Variants in IGHMBP2 observed in about 807,000 individuals in gnomAD.
IGHMBP2 encodes the protein DNA-binding protein SMUBP-2.
In IGHMBP2, 81 loss-of-function variants were observed where a neutral mutation model predicts 96.0. That is an observed-to-expected ratio of 0.84 (90% CI 0.71 to 1.01). IGHMBP2 has a LOEUF of 1.01. Among genes scored for constraint, IGHMBP2 ranks in the 50% least tolerant of loss-of-function variants. IGHMBP2 has a pLI of 0.00. For missense variants in IGHMBP2, 1,227 were observed against 1,306.3 expected (o/e 0.94, Z 0.94); for synonymous variants, 557 against 548.9 (o/e 1.01, Z -0.21).
In IGHMBP2 at chr11:68,908,141, G is replaced by C. The variant is rs1484354967; in HGVS notation, c.257-4G>C. On this transcript the variant is annotated splice_region_variant and splice_polypyrimidine_tract_variant and intron_variant, in intron 2 of 14. Coordinates refer to ENST00000255078, the MANE Select transcript of IGHMBP2 (RefSeq NM_002180.3). Reference sequence around the variant, plus strand: ...CTTGTGTCACTGAGTCTTTGTTTTTGCAGGTGATATCGTGGGCCTGTACGA... The same window carrying C: ...CTTGTGTCACTGAGTCTTTGTTTTTCCAGGTGATATCGTGGGCCTGTACGA... The C allele has an allele frequency of 5.0e-6, 8 of 1,613,202 alleles. No individual in the cohort carries two copies. The highest frequency in any genetic ancestry group is 6.8e-6 in the Non-Finnish European group (8 of 1,179,458).
chr11:68,937,870 C>CCACG (rs1307508695), intron 13 of IGHMBP2: 4 of 400,500 alleles, frequency 1.0e-5, no homozygotes, highest in African/African-American at 6.1e-5. Context: ...CTACTGTATG[C>CCACG]CACGCTTTGT....
intron 14 of IGHMBP2, 146 bp downstream of exon 14, chr11:68,938,500 A>G: frequency 1.4e-6 from 1 of 715,240 alleles, no homozygotes; most frequent in Non-Finnish European, 2.3e-6. Flanking sequence ...GAAATCAGAC[A>G]CTGACTCATG....
rs755865677 is a variant in IGHMBP2 at position 68,933,344 on chromosome 11, TGAG to T, written c.1285_1287del (p.Glu429del). ...CACTCAGCCTGATGGAACGCCTGGC[TGAG>T]GAGTACGGCGCGAGGGTGGTGCGGA... is the stretch of plus-strand genomic sequence containing the variant. On this transcript the variant is annotated inframe_deletion, in exon 9 of 15. Coordinates refer to ENST00000255078, the MANE Select transcript of IGHMBP2 (RefSeq NM_002180.3). 1.2e-6 allele frequency: 2 copies of T among 1,613,224 alleles called. No individual in the cohort carries two copies. The highest frequency in any genetic ancestry group is 2.7e-5 in the African/African-American group (2 of 75,062).
chr11:68,915,382 A>C (rs1318726270), intron 6 of IGHMBP2, among the ~76,000 whole-genome samples: 1 of 150,682 alleles, frequency 6.6e-6, no homozygotes, highest in Non-Finnish European at 1.5e-5. Context: ...GTTTCATCAT[A>C]CTGGTCAGGC....
chr11:68,938,421 A>T, intron 14 of IGHMBP2, 67 bp downstream of exon 14: 1 of 1,429,138 alleles, frequency 7.0e-7, no homozygotes. Flanking sequence ...TCCAGGAAGC[A>T]GACCCTGGGC....
At chr11:68,911,346 C>T in intron 4 of IGHMBP2, 94 bp from the exon 5 acceptor site, 1 of 1,279,770 alleles carries the variant, frequency 7.8e-7, no homozygotes, top group Non-Finnish European at 1.1e-6. Flanking sequence ...TCCTGACAGG[C>T]ATCACTCATC....
intron 12 of IGHMBP2, 103 bp downstream of exon 12, chr11:68,935,525 G>A (rs1289640194): frequency 9.3e-6 from 13 of 1,392,786 alleles, no homozygotes; most frequent in Non-Finnish European, 1.3e-5. Context: ...GTTTCTGGCA[G>A]TGTGCTCATG....
chr11:68,919,164 T>TCTCTC (rs1253812903), intron 7 of IGHMBP2, among the ~76,000 whole-genome samples: 5 of 151,462 alleles, frequency 3.3e-5, no homozygotes, highest in East Asian at 1.9e-4. Flanking sequence ...CTGTTGTTGA[T>TCTCTC]CTCTCCTCTC....
At position 68,929,215 on chromosome 11, in the gene IGHMBP2, C is replaced by T; in HGVS notation, c.1093C>T (p.Pro365Ser). ...TGCCGATGGCCCCCTGAAGTTGCTG[C>T]CCGAGAGCTACTTCGACGTGGTGGT... is the stretch of plus-strand genomic sequence containing the variant. The part of the protein sequence containing the change: ...ASADGPLKLL[P>S]ESYFDVVVID... The change falls in exon 8 of 15, where the codon CCC becomes TCC. Residue 365 changes from proline (P) to serine (S), a missense_variant. Transcript: ENST00000255078. 6.2e-7 allele frequency: 1 copy of T among 1,613,528 alleles called. No homozygotes were observed. Among genetic ancestry groups the T allele is most frequent in the Non-Finnish European group, 8.5e-7 (1 of 1,180,022 alleles).
rs645436 is a variant in IGHMBP2 at position 68,933,233 on chromosome 11, G to C, written c.1236-66G>C. On this transcript the variant is annotated intron_variant, in intron 8 of 14. Transcript: ENST00000255078. ...GGTTTGGGGCCTGTCCTCCTCACTT[G>C]CTGTGGTTCACACCTGGACTCTGGG... 0.27 allele frequency: 409,370 copies of C among 1,493,312 alleles called. 59,188 individuals are homozygous for C. The highest frequency in any genetic ancestry group is 0.44 in the Admixed American group (22,948 of 52,232). The allele number at this position is 1,493,312 out of a possible 1,614,324, so 92.5% of individuals were successfully genotyped here. A position where few individuals can be genotyped will look rare whatever the true frequency, so the allele number is the denominator to read the frequency against.
intron 10 of IGHMBP2, 80 bp from the exon 11 acceptor site, chr11:68,934,384 C>T (rs761076058): frequency 2.0e-5 from 19 of 974,022 alleles, no homozygotes; most frequent in African/African-American, 9.6e-5. Context: ...TAGACAGAAA[C>T]GTGCCCGAAA....
chr11:68,908,672 C>T (rs748121628), intron 4 of IGHMBP2, 41 bp downstream of exon 4: 1 of 1,351,162 alleles, frequency 7.4e-7, no homozygotes, highest in Non-Finnish European at 1.1e-6. Context: ...GAAATCACTA[C>T]TGAAAGTATA....
Position 68,929,226 on chromosome 11 carries a change from C to T in IGHMBP2, c.1104C>T (p.Tyr368=), listed in dbSNP as rs148157556. 10,660 of 1,613,790 alleles carry T rather than the reference C, an allele frequency of 6.6e-3. 80 individuals carry two copies. Among genetic ancestry groups the T allele is most frequent in the Middle Eastern group, 0.026 (155 of 6,060 alleles). The stretch of plus-strand genomic sequence containing the variant: ...CCCTGAAGTTGCTGCCCGAGAGCTA[C>T]TTCGACGTGGTGGTCATTGACGAGT... ...DGPLKLLPES[Y]FDVVVIDECA... is the part of the protein sequence containing the mutation. The change falls in exon 8 of 15, where the codon TAC becomes TAT. Residue 368 remains tyrosine, a synonymous_variant. Transcript: ENST00000255078.
intron 12 of IGHMBP2, 62 bp from the exon 13 acceptor site, chr11:68,936,172 CGTA>C (rs1859518641): frequency 6.3e-7 from 1 of 1,577,440 alleles, no homozygotes; most frequent in African/African-American, 1.3e-5. Flanking sequence ...CTGATAAGGG[CGTA>C]GGAGCCTGAC....
At chr11:68,920,207 T>C (rs1396135132) in intron 7 of IGHMBP2, among the ~76,000 whole-genome samples, 1 of 152,228 alleles carries the variant, frequency 6.6e-6, no homozygotes, top group African/African-American at 2.4e-5. Flanking sequence ...GCCCTCATGG[T>C]TCATCCATGT....
chr11:68,930,776 C>T (rs541634141), intron 8 of IGHMBP2, among the ~76,000 whole-genome samples: 2 of 152,200 alleles, frequency 1.3e-5, no homozygotes, highest in East Asian at 1.9e-4. Context: ...GCAGGTCATC[C>T]GTCGAGTGTT....
chr11:68,911,136 T>C (rs1381550777), intron 4 of IGHMBP2, among the ~76,000 whole-genome samples: 1 of 152,154 alleles, frequency 6.6e-6, no homozygotes, highest in African/African-American at 2.4e-5. Flanking sequence ...GGCCATATCA[T>C]ACGTACCGTC....
chr11:68,905,545 C>T (rs1440487485), intron 1 of IGHMBP2, among the ~76,000 whole-genome samples: 1 of 152,174 alleles, frequency 6.6e-6, no homozygotes, highest in Non-Finnish European at 1.5e-5. Context: ...AAGGGCCTGG[C>T]TAAGGAGCTA....
chr11:68,914,854 T>C lies in IGHMBP2; in HGVS notation c.743T>C (p.Val248Ala). ...TGCTGCGCCCCCTCCAACATCGCCG[T>C]GGACAATCTGGTGGAGCGCCTGGCT... ...VLCCAPSNIA[V>A]DNLVERLALC... The change falls in exon 6 of 15, where the codon GTG (valine) becomes GCG (alanine). Residue 248 changes from valine (V) to alanine (A), a missense_variant. Transcript: ENST00000255078. The C allele has an allele frequency of 6.2e-7, 1 of 1,614,264 alleles. No homozygotes were observed. Among genetic ancestry groups the C allele is most frequent in the Non-Finnish European group, 8.5e-7 (1 of 1,180,052 alleles).
Sources: allele counts gnomAD v4.1 joint callset (sites outside exome capture counted in the v4.1 genomes callset), GRCh38; gene constraint gnomAD v4.1.1; transcripts MANE v1.5; gene names NCBI Gene and HGNC (gene_info 2026-07-23, HGNC 2026-07-21).